Variants in FGF14 observed in about 807,000 individuals in gnomAD.
The protein encoded by FGF14 is fibroblast growth factor homologous factor 4.
FGF14 carries 5 observed loss-of-function variants against 25.5 expected under a neutral mutation model. The ratio of observed to expected loss-of-function variants is 0.20; its 90% CI spans 0.10 to 0.41. FGF14 has a LOEUF of 0.41. FGF14 is among the 10% of genes least tolerant of loss of function. The pLI is 1.00. For synonymous variants in FGF14, 138 were observed against 118.3 expected (o/e 1.17, Z -1.08); for missense variants, 222 against 320.1 (o/e 0.69, Z 2.34).
chr13:101,857,263 T>A lies in FGF14; in HGVS notation c.408+11462A>T, dbSNP rs923766682. ...GCCCAAATAAAATACCTCCACCTTGTCAGAGAACAAAAATCTAGTTATTCC... is the reference window on the plus strand; with the variant it reads ...GCCCAAATAAAATACCTCCACCTTGACAGAGAACAAAAATCTAGTTATTCC... On this transcript the variant is annotated intron_variant, in intron 3 of 4. Coordinates refer to ENST00000376143, the MANE Select transcript of FGF14 (RefSeq NM_004115.4). Among the ~76,000 whole-genome samples the A allele has an allele frequency of 2.6e-5, 4 of 152,026 alleles. No individual in the cohort carries two copies. In the South Asian group the frequency reaches 8.3e-4, roughly 31 times the overall value.
chr13:101,940,967 T>G (rs758570322), intron 1 of FGF14, among the ~76,000 whole-genome samples: 1 of 152,128 alleles, frequency 6.6e-6, no homozygotes, highest in African/African-American at 2.4e-5. Flanking sequence ...TAAGAACAGA[T>G]AGAGTCTTTT....
At position 101,718,643 on chromosome 13, in the gene FGF14, C is replaced by G. The variant is rs1161625070; in HGVS notation, c.*4188G>C. 6.6e-6 allele frequency: 1 copy of G among 151,990 alleles called. No homozygotes were observed. Among genetic ancestry groups the G allele is most frequent in the Admixed American group, 6.6e-5 (1 of 15,238 alleles). The allele number at this position is 151,990 out of a possible 1,614,324, so 9.4% of individuals were successfully genotyped here. A position where few individuals can be genotyped will look rare whatever the true frequency, so the allele number is the denominator to read the frequency against. The stretch of plus-strand genomic sequence containing the variant: ...AAGTGCTAAGTCATAAGAGGAGAGC[C>G]ATTATACCCGTTGTCTTTCTGGGCT... On this transcript the variant is annotated 3_prime_UTR_variant, in exon 5 of 5. Coordinates refer to ENST00000376143, the MANE Select transcript of FGF14 (RefSeq NM_004115.4).
intron 1 of FGF14, among the ~76,000 whole-genome samples, chr13:102,082,252 A>C (rs1011964108): frequency 1.3e-5 from 2 of 151,752 alleles, no homozygotes; most frequent in Non-Finnish European, 2.9e-5. Context: ...AAAAAAAAAA[A>C]CAGTGTACTT....
At chr13:101,799,141 C>T (rs1360393951) in intron 3 of FGF14, among the ~76,000 whole-genome samples, 2 of 152,096 alleles carry the variant, frequency 1.3e-5, no homozygotes, top group Non-Finnish European at 2.9e-5. Context: ...CTACTCAAGT[C>T]TCAGCATAAT....
At chr13:102,150,454 T>C (rs1171777343) in intron 1 of FGF14, among the ~76,000 whole-genome samples, 1 of 152,140 alleles carries the variant, frequency 6.6e-6, no homozygotes, top group Admixed American at 6.5e-5. Flanking sequence ...ACTTTTGCAA[T>C]GGGTTCTTCA....
chr13:102,303,021 C>G (rs532556174), intron 1 of FGF14, among the ~76,000 whole-genome samples: 1 of 152,150 alleles, frequency 6.6e-6, no homozygotes, highest in African/African-American at 2.4e-5. Context: ...AATGAGCTGC[C>G]CCCAGAAGAA....
chr13:101,842,581 A>G (rs2043245053), intron 3 of FGF14, among the ~76,000 whole-genome samples: 1 of 151,986 alleles, frequency 6.6e-6, no homozygotes, highest in Non-Finnish European at 1.5e-5. Context: ...GGAATGTTCA[A>G]ACTACTCTGA....
chr13:102,267,444 G>T (rs1214643688), intron 1 of FGF14, among the ~76,000 whole-genome samples: 1 of 152,082 alleles, frequency 6.6e-6, no homozygotes, highest in Non-Finnish European at 1.5e-5. Flanking sequence ...TGTATACTCA[G>T]CCAAGATTTT....
chr13:101,751,677 C>A (rs2139842783), intron 3 of FGF14, among the ~76,000 whole-genome samples: 1 of 152,210 alleles, frequency 6.6e-6, no homozygotes, highest in Admixed American at 6.5e-5. Context: ...GGAAGACAGC[C>A]AAGACCATTA....
At chr13:102,172,735 G>T (rs1230929342) in intron 1 of FGF14, among the ~76,000 whole-genome samples, 1 of 152,116 alleles carries the variant, frequency 6.6e-6, no homozygotes, top group East Asian at 1.9e-4. Flanking sequence ...GCCCTTGTCT[G>T]CTCACACAAG....
At chr13:102,309,135 TACAC>T (rs34911009) in intron 1 of FGF14, among the ~76,000 whole-genome samples, 2,179 of 142,552 alleles carry the variant, frequency 0.015, 15 homozygotes, top group African/African-American at 0.023. Context: ...ATGCATAACA[TACAC>T]ACACACACAC....
In FGF14 at chr13:101,721,736, T is replaced by C. The variant is rs1406668220; in HGVS notation, c.*1095A>G. ...GCCGTCTTGCCCATGCTCTGCTGAG[T>C]ATGAGGGGAACGCAGCCAGAAACGG... On this transcript the variant is annotated 3_prime_UTR_variant, in exon 5 of 5. Transcript: ENST00000376143. 1 of 152,024 alleles carries C rather than the reference T, an allele frequency of 6.6e-6. No individual in the cohort carries two copies. The highest frequency in any genetic ancestry group is 1.5e-5 in the Non-Finnish European group (1 of 68,000). 9.4% of individuals were successfully genotyped at this position (152,024 alleles called of 1,614,324 possible).
intron 1 of FGF14, among the ~76,000 whole-genome samples, chr13:102,379,729 A>G (rs1232645866): frequency 1.3e-5 from 2 of 152,144 alleles, no homozygotes; most frequent in Non-Finnish European, 2.9e-5. Context: ...TAACGAGTAA[A>G]CAAGTTAGAA....
chr13:101,922,887 G>A (rs1244550736), intron 1 of FGF14, among the ~76,000 whole-genome samples: 3 of 149,800 alleles, frequency 2.0e-5, no homozygotes, highest in South Asian at 2.1e-4. Context: ...AACATATTTT[G>A]TACATTGATA....
At chr13:101,850,858 C>A (rs1052881111) in intron 3 of FGF14, among the ~76,000 whole-genome samples, 2 of 151,342 alleles carry the variant, frequency 1.3e-5, no homozygotes. Context: ...ACTTTCTAAC[C>A]AAAACAGTTT....
intron 1 of FGF14, among the ~76,000 whole-genome samples, chr13:102,068,343 GCCT>G (rs2042990267): frequency 6.6e-6 from 1 of 152,238 alleles, no homozygotes; most frequent in Non-Finnish European, 1.5e-5. Context: ...CGCTCTCGGC[GCCT>G]CCTCTGCCTG....
At chr13:102,096,622 C>T (rs2044414055) in intron 1 of FGF14, among the ~76,000 whole-genome samples, 1 of 152,136 alleles carries the variant, frequency 6.6e-6, no homozygotes, top group African/African-American at 2.4e-5. Context: ...TCTTAGGATT[C>T]CCAGAGACTC....
At chr13:102,181,395 T>C (rs1386038764) in intron 1 of FGF14, among the ~76,000 whole-genome samples, 2 of 152,276 alleles carry the variant, frequency 1.3e-5, no homozygotes, top group Admixed American at 6.5e-5. Flanking sequence ...CAAAGATATA[T>C]TGAAGTCCTA....
At chr13:102,173,089 G>T (rs917472053) in intron 1 of FGF14, among the ~76,000 whole-genome samples, 5 of 152,118 alleles carry the variant, frequency 3.3e-5, no homozygotes, top group African/African-American at 9.7e-5. Context: ...CCATATAGCT[G>T]ATAAGAGGCT....
Sources: allele counts gnomAD v4.1 joint callset (sites outside exome capture counted in the v4.1 genomes callset), GRCh38; gene constraint gnomAD v4.1.1; transcripts MANE v1.5; gene names NCBI Gene and HGNC (gene_info 2026-07-23, HGNC 2026-07-21).